Variants in ATP23 observed in about 807,000 individuals in gnomAD.
ATP23 encodes ATP23 metallopeptidase and ATP synthase assembly factor homolog.
Under a neutral mutation model 28.5 loss-of-function variants are expected in ATP23, and 24 were observed. The ratio of observed to expected loss-of-function variants is 0.84; its 90% CI spans 0.61 to 1.18. The LOEUF is 1.18. ATP23 is among the 50% of genes most tolerant of loss of function. The pLI is 0.00. For missense variants in ATP23, 274 were observed against 306.4 expected (o/e 0.89, Z 0.79); for synonymous variants, 99 against 108.6 (o/e 0.91, Z 0.55).
intron 3 of ATP23, 110 bp from the exon 4 acceptor site, chr12:57,951,648 C>A: frequency 1.7e-6 from 2 of 1,203,282 alleles, no homozygotes; most frequent in Non-Finnish European, 2.4e-6. Flanking sequence ...TAGAGATATT[C>A]CAGGCAGGTG....
rs767741599 is a variant in ATP23 at position 57,951,849 on chromosome 12, C to G, written c.407C>G (p.Ala136Gly). 6.2e-7 allele frequency: 1 copy of G among 1,614,108 alleles called. No individual in the cohort carries two copies. Among genetic ancestry groups the G allele is most frequent in the South Asian group, 1.1e-5 (1 of 91,082 alleles). The change falls in exon 4 of 6, where the codon GCC becomes GGC. Residue 136 changes from alanine to glycine, a missense_variant. By Grantham distance (60) the Ala-to-Gly change is moderately conservative. Transcript: ENST00000300145. ...ATTCATGCATTTGATCATTGTCGTG[C>G]CCATGTCGACTGGTTCACCAACATC... Reference protein sequence around the residue: ...ELIHAFDHCRAHVDWFTNIRH... With the variant: ...ELIHAFDHCRGHVDWFTNIRH...
At chr12:57,942,425 ATTT>A (rs35301187) in intron 1 of ATP23, among the ~76,000 whole-genome samples, 1 of 139,142 alleles carries the variant, frequency 7.2e-6, no homozygotes. Flanking sequence ...CCCTAAGTGC[ATTT>A]TTTTTTTTTT....
chr12:57,954,516 C>CA (rs1956847037), intron 5 of ATP23, among the ~76,000 whole-genome samples: 1 of 151,974 alleles, frequency 6.6e-6, no homozygotes, highest in South Asian at 2.1e-4. Context: ...AAAACAAAAA[C>CA]AAAAAACAAA....
At chr12:57,946,446 ATTTTTTTTTTTT>A (rs369316315) in intron 2 of ATP23, among the ~76,000 whole-genome samples, 2 of 104,034 alleles carry the variant, frequency 1.9e-5, no homozygotes, top group Non-Finnish European at 3.9e-5. Context: ...AGTTGAACAA[ATTTTTTTTTTTT>A]TTTTTTTTTT....
At position 57,958,004 on chromosome 12, in the gene ATP23, T is replaced by C. The variant is rs917583398; in HGVS notation, c.*1114T>C. 6.6e-6 allele frequency among the ~76,000 whole-genome samples: 1 copy of C among 152,154 alleles called. No homozygotes were observed. Among genetic ancestry groups the C allele is most frequent in the Non-Finnish European group, 1.5e-5 (1 of 68,006 alleles). Reference sequence around the variant, plus strand: ...CCTGGGGCAAGTTTTCAAGCCTGTCTCACCCACCACCTGGAAGCAGACTTG... The same window carrying C: ...CCTGGGGCAAGTTTTCAAGCCTGTCCCACCCACCACCTGGAAGCAGACTTG... On this transcript the variant is annotated 3_prime_UTR_variant, in exon 6 of 6. Coordinates refer to ENST00000300145, the MANE Select transcript of ATP23 (RefSeq NM_033276.4).
rs778836715 is a variant in ATP23, at chr12:57,958,861, C to T, written c.*1971C>T. Among the ~76,000 whole-genome samples the T allele has an allele frequency of 6.6e-6, 1 of 152,088 alleles. No individual in the cohort carries two copies. The highest frequency in any genetic ancestry group is 1.5e-5 in the Non-Finnish European group (1 of 68,030). ...CCCACAAAAAAATCACACTAGTTCA[C>T]CAGCAATGGATTCAAACCAAGAAGA... On this transcript the variant is annotated 3_prime_UTR_variant, in exon 6 of 6. Transcript: ENST00000300145.
chr12:57,954,070 C>T (rs1347952132), intron 5 of ATP23, among the ~76,000 whole-genome samples: 1 of 151,766 alleles, frequency 6.6e-6, no homozygotes, highest in Non-Finnish European at 1.5e-5. Flanking sequence ...TGGAGCACAC[C>T]TGTAGTCCCA....
intron 3 of ATP23, among the ~76,000 whole-genome samples, chr12:57,951,256 T>A (rs1956811562): frequency 1.3e-5 from 2 of 152,232 alleles, no homozygotes; most frequent in African/African-American, 4.8e-5. Context: ...GTATTTTACA[T>A]ATATTCTCAT....
intron 3 of ATP23, among the ~76,000 whole-genome samples, chr12:57,949,428 AT>A (rs1360845032): frequency 1.1e-4 from 17 of 152,112 alleles, no homozygotes; most frequent in Admixed American, 4.6e-4. Flanking sequence ...CATTCCATAT[AT>A]CCAAGTGCCC....
At chr12:57,955,186 T>C (rs1473696288) in intron 5 of ATP23, among the ~76,000 whole-genome samples, 1 of 151,842 alleles carries the variant, frequency 6.6e-6, no homozygotes, top group Non-Finnish European at 1.5e-5. Context: ...AAAAAAAAAC[T>C]ATTACATATA....
chr12:57,945,951 C>T (rs1372116499), intron 2 of ATP23, among the ~76,000 whole-genome samples: 3 of 150,998 alleles, frequency 2.0e-5, no homozygotes, highest in East Asian at 1.9e-4. Flanking sequence ...GTGCAACCTC[C>T]GTCTCCCAGG....
chr12:57,957,610 C>T lies in ATP23; in HGVS notation c.*720C>T, dbSNP rs117946687. 3.5e-3 allele frequency among the ~76,000 whole-genome samples: 532 copies of T among 152,278 alleles called. 1 individual carries two copies. The highest frequency in any genetic ancestry group is 0.011 in the Admixed American group (170 of 15,302). On this transcript the variant is annotated 3_prime_UTR_variant, in exon 6 of 6. Coordinates refer to ENST00000300145, the MANE Select transcript of ATP23 (RefSeq NM_033276.4). ...AAGGGAGACCCTCCTCTCCCACACACACCCCCCCACTGGAGAAACTGAAGG... is the reference window on the plus strand; with the variant it reads ...AAGGGAGACCCTCCTCTCCCACACATACCCCCCCACTGGAGAAACTGAAGG...
In ATP23 at chr12:57,951,846, G is replaced by A. The variant is rs755258740; in HGVS notation, c.404G>A (p.Arg135His). The A allele has an allele frequency of 2.2e-5, 36 of 1,613,974 alleles. No homozygotes were observed. The highest frequency in any genetic ancestry group is 1.6e-4 in the Middle Eastern group (1 of 6,084). Residue 135 changes from arginine to histidine, a missense_variant, in exon 4 of 6, where the codon CGT (arginine) becomes CAT (histidine). Transcript: ENST00000300145. ...CTTATTCATGCATTTGATCATTGTCGTGCCCATGTCGACTGGTTCACCAAC... is the reference window on the plus strand; with the variant it reads ...CTTATTCATGCATTTGATCATTGTCATGCCCATGTCGACTGGTTCACCAAC... Reference protein sequence around the residue: ...HELIHAFDHCRAHVDWFTNIR... With the variant: ...HELIHAFDHCHAHVDWFTNIR...
At chr12:57,942,766 C>A (rs964658571) in intron 1 of ATP23, among the ~76,000 whole-genome samples, 17 of 151,876 alleles carry the variant, frequency 1.1e-4, no homozygotes, top group Non-Finnish European at 1.6e-4. Context: ...TTAATAGCTT[C>A]ATCATATTCT....
intron 1 of ATP23, among the ~76,000 whole-genome samples, chr12:57,943,981 CTTTTTTT>C (rs766959594): frequency 1.1e-5 from 1 of 95,030 alleles, no homozygotes; most frequent in Admixed American, 1.1e-4. Context: ...ATGGGAGTCT[CTTTTTTT>C]TTTTTTTTTT....
intron 1 of ATP23, among the ~76,000 whole-genome samples, chr12:57,944,608 T>G (rs35326083): frequency 0.13 from 19,587 of 152,228 alleles, 2,180 homozygotes; most frequent in African/African-American, 0.3. Context: ...TCTTTCAATC[T>G]ACTGTCTATT....
chr12:57,950,439 C>A (rs775022704), intron 3 of ATP23, among the ~76,000 whole-genome samples: 3 of 152,160 alleles, frequency 2.0e-5, no homozygotes, highest in Non-Finnish European at 4.4e-5. Flanking sequence ...AATTTCACTT[C>A]TATTCCTCCA....
At chr12:57,943,124 ATATTG>A in intron 1 of ATP23, among the ~76,000 whole-genome samples, 1 of 152,266 alleles carries the variant, frequency 6.6e-6, no homozygotes, top group East Asian at 1.9e-4. Context: ...GAGAATGATG[ATATTG>A]TATTTACTGT....
intron 1 of ATP23, among the ~76,000 whole-genome samples, chr12:57,942,640 G>A (rs1490281160): frequency 6.6e-6 from 1 of 152,106 alleles, no homozygotes; most frequent in Non-Finnish European, 1.5e-5. Flanking sequence ...AGCCAGGATG[G>A]TCTTGATCTC....
Sources: allele counts gnomAD v4.1 joint callset (sites outside exome capture counted in the v4.1 genomes callset), GRCh38; gene constraint gnomAD v4.1.1; transcripts MANE v1.5; gene names NCBI Gene and HGNC (gene_info 2026-07-23, HGNC 2026-07-21).